Variants in ZNF557 observed in about 807,000 individuals in gnomAD.
The protein encoded by ZNF557 is zinc finger protein 557.
Under a neutral mutation model 21.2 loss-of-function variants are expected in ZNF557, and 19 were observed. That is an observed-to-expected ratio of 0.90 (90% CI 0.63 to 1.32). The LOEUF (loss-of-function observed/expected upper bound fraction) is 1.32. Ranked by LOEUF, ZNF557 falls within the 40% of genes most tolerant of loss-of-function variation. ZNF557 has a pLI of 0.00. For missense variants in ZNF557, 487 were observed against 519.8 expected, an observed-to-expected ratio of 0.94 and a Z score of 0.61; for synonymous variants, 207 against 194.8, an observed-to-expected ratio of 1.06 and a Z score of -0.52.
intron 4 of ZNF557, among the ~76,000 whole-genome samples, chr19:7,075,987 G>A (rs1448340953): frequency 2.0e-5 from 3 of 152,074 alleles, no homozygotes; most frequent in Non-Finnish European, 4.4e-5. Flanking sequence ...AAGTAAAGAC[G>A]TGATGATGTT....
chr19:7,079,677 T>C (rs1310947694), intron 5 of ZNF557, among the ~76,000 whole-genome samples: 2 of 152,230 alleles, frequency 1.3e-5, no homozygotes, highest in Admixed American at 1.3e-4. Context: ...CTTTGTTTAG[T>C]GACATTTCTG....
chr19:7,083,736 C>A lies in ZNF557; in HGVS notation c.1285C>A (p.Gln429Lys). ...TGTGCATACGAGAATGCATAATAGG[C>A]AAATGTGAATTCAATAACTGTGGGA... ...LSVHTRMHNR[Q>K]M The change falls in exon 8 of 8, where the codon CAA (glutamine) becomes AAA (lysine). Residue 429 changes from glutamine to lysine, a missense_variant. Coordinates refer to ENST00000252840, the MANE Select transcript of ZNF557 (RefSeq NM_024341.3). The A allele has an allele frequency of 6.3e-7, 1 of 1,598,766 alleles. No individual in the cohort carries two copies. The highest frequency in any genetic ancestry group is 8.5e-7 in the Non-Finnish European group (1 of 1,171,660).
At chr19:7,079,514 A>G (rs1379107247) in intron 5 of ZNF557, among the ~76,000 whole-genome samples, 1 of 152,106 alleles carries the variant, frequency 6.6e-6, no homozygotes, top group East Asian at 1.9e-4. Flanking sequence ...TGCTGGGATT[A>G]CAGCCATGAG....
intron 4 of ZNF557, among the ~76,000 whole-genome samples, chr19:7,075,993 A>T (rs933392840): frequency 6.6e-6 from 1 of 152,122 alleles, no homozygotes; most frequent in Non-Finnish European, 1.5e-5. Context: ...AGACGTGATG[A>T]TGTTCTAAAC....
At chr19:7,071,202 G>T (rs2145160408) in intron 2 of ZNF557, among the ~76,000 whole-genome samples, 1 of 151,366 alleles carries the variant, frequency 6.6e-6, no homozygotes, top group East Asian at 1.9e-4. Flanking sequence ...CTATTTAAAA[G>T]TTTTTTTTTC....
At chr19:7,077,512 T>C (rs1214927183) in intron 5 of ZNF557, among the ~76,000 whole-genome samples, 1 of 152,242 alleles carries the variant, frequency 6.6e-6, no homozygotes, top group Non-Finnish European at 1.5e-5. Flanking sequence ...TATTCCGTTA[T>C]GTGTATATAC....
chr19:7,072,653 G>A (rs986784043), intron 2 of ZNF557, among the ~76,000 whole-genome samples: 7 of 152,150 alleles, frequency 4.6e-5, no homozygotes, highest in African/African-American at 1.7e-4. Context: ...TTTCCACTGA[G>A]CAAGACCCTA....
rs190142455 is a variant in ZNF557 at position 7,083,271 on chromosome 19, C to T, written c.820C>T (p.Arg274Cys). 6.8e-5 allele frequency: 110 copies of T among 1,614,114 alleles called. No individual in the cohort carries two copies. The highest frequency in any genetic ancestry group is 8.9e-5 in the East Asian group (4 of 44,884). The change falls in exon 8 of 8, where the codon CGC (arginine) becomes TGC (cysteine). Residue 274 changes from arginine (R) to cysteine (C), a missense_variant. By Grantham distance (180) the Arg-to-Cys change is radical. Transcript: ENST00000252840. The stretch of plus-strand genomic sequence containing the variant: ...ATGTAACCAGTGTTTTCGTGAGTTC[C>T]GCACTCAGTCAATCTTCACAAGGCA... ...YKCNQCFREF[R>C]TQSIFTRHKR...
At chr19:7,072,527 T>C (rs1977481945) in intron 2 of ZNF557, among the ~76,000 whole-genome samples, 1 of 152,180 alleles carries the variant, frequency 6.6e-6, no homozygotes, top group Non-Finnish European at 1.5e-5. Flanking sequence ...CCACTCTTTA[T>C]AATACCTTTC....
intron 2 of ZNF557, among the ~76,000 whole-genome samples, chr19:7,073,741 T>C (rs768438087): frequency 1.5e-4 from 23 of 151,930 alleles, no homozygotes; most frequent in Non-Finnish European, 2.6e-4. Context: ...CCAATCCTTC[T>C]CTCCCCGGAG....
rs868199391 is a variant in ZNF557, at chr19:7,086,244, T to G, written c.*2500T>G. 3.1e-5 allele frequency: 3 copies of G among 96,860 alleles called. No individual in the cohort carries two copies. Among genetic ancestry groups the G allele is most frequent in the Non-Finnish European group, 4.3e-5 (2 of 46,282 alleles). 6.0% of individuals were successfully genotyped at this position (96,860 alleles called of 1,614,324 possible). A position where few individuals can be genotyped will look rare whatever the true frequency, so the allele number is the denominator to read the frequency against. On this transcript the variant is annotated 3_prime_UTR_variant, in exon 8 of 8. Coordinates refer to ENST00000252840, the MANE Select transcript of ZNF557 (RefSeq NM_024341.3). ...CAACTCTGTCTCAAAAAAAAAAAAATCAGACAATATTTGATATATTTTTTT... is the reference window on the plus strand; with the variant it reads ...CAACTCTGTCTCAAAAAAAAAAAAAGCAGACAATATTTGATATATTTTTTT...
intron 5 of ZNF557, among the ~76,000 whole-genome samples, chr19:7,077,828 T>A (rs569650581): frequency 4.9e-4 from 74 of 152,354 alleles, no homozygotes; most frequent in South Asian, 1.4e-3. Flanking sequence ...TTCCTTTTTT[T>A]AAAAAATTAT....
In ZNF557 at chr19:7,081,146, G is replaced by T. The variant is rs1031977440; in HGVS notation, c.248-214G>T. Among the ~76,000 whole-genome samples the T allele has an allele frequency of 2.1e-5, 3 of 143,622 alleles. No homozygotes were observed. In the Admixed American group the frequency reaches 2.2e-4, roughly 10 times the overall value. 94.2% of individuals were successfully genotyped at this position (143,622 alleles called of 152,430 possible). On this transcript the variant is annotated intron_variant, in intron 5 of 7. Transcript: ENST00000252840. The stretch of plus-strand genomic sequence containing the variant: ...CCTGCAACCACCCTAGATATTGCTT[G>T]TGGGGTGTGTGTGTGTGTGTGTGTG...
chr19:7,075,800 T>C, intron 4 of ZNF557, 57 bp downstream of exon 4: 1 of 1,593,624 alleles, frequency 6.3e-7, no homozygotes, highest in Non-Finnish European at 8.6e-7. Flanking sequence ...AGGTTGGACT[T>C]GATGCCTTTC....
chr19:7,081,143 CT>C lies in ZNF557; in HGVS notation c.248-215del, dbSNP rs562618390. Among the ~76,000 whole-genome samples the C allele has an allele frequency of 2.2e-3, 319 of 147,222 alleles. 3 individuals are homozygous for C. Among genetic ancestry groups the C allele is most frequent in the African/African-American group, 7.3e-3 (291 of 39,598 alleles). On this transcript the variant is annotated intron_variant, in intron 5 of 7. Coordinates refer to ENST00000252840, the MANE Select transcript of ZNF557 (RefSeq NM_024341.3). ...TATCCTGCAACCACCCTAGATATTG[CT>C]TGTGGGGTGTGTGTGTGTGTGTGTG...
chr19:7,074,091 C>T (rs906047785), intron 2 of ZNF557, among the ~76,000 whole-genome samples: 2 of 151,768 alleles, frequency 1.3e-5, no homozygotes, highest in Non-Finnish European at 2.9e-5. Context: ...AGCTCTGCCT[C>T]CCAGGTTCAC....
rs1194055398 is a variant in ZNF557, at chr19:7,087,472, G to A, written c.*3728G>A. The A allele has an allele frequency of 2.7e-5, 4 of 150,782 alleles. No individual in the cohort carries two copies. Among genetic ancestry groups the A allele is most frequent in the African/African-American group, 9.8e-5 (4 of 40,976 alleles). 9.3% of individuals were successfully genotyped at this position (150,782 alleles called of 1,614,324 possible). A position where few individuals can be genotyped will look rare whatever the true frequency, so the allele number is the denominator to read the frequency against. On this transcript the variant is annotated 3_prime_UTR_variant, in exon 8 of 8. Coordinates refer to ENST00000252840, the MANE Select transcript of ZNF557 (RefSeq NM_024341.3). Reference sequence around the variant, plus strand: ...GGAGAATTGCTTCAAACTGGGCAGAGGTTGCAGTGAGCCAAGGTTGACCCA... The same window carrying A: ...GGAGAATTGCTTCAAACTGGGCAGAAGTTGCAGTGAGCCAAGGTTGACCCA...
intron 6 of ZNF557, 81 bp downstream of exon 6, chr19:7,081,536 AGG>A: frequency 1.1e-6 from 1 of 931,690 alleles, no homozygotes; most frequent in Non-Finnish European, 1.7e-6. Context: ...ATAATACATT[AGG>A]AAATATCAGT....
At chr19:7,073,762 T>TG (rs1014463117) in intron 2 of ZNF557, among the ~76,000 whole-genome samples, 1 of 152,054 alleles carries the variant, frequency 6.6e-6, no homozygotes, top group African/African-American at 2.4e-5. Context: ...ATTGGGGGTA[T>TG]GGGGGTCACC....
Sources: allele counts gnomAD v4.1 joint callset (sites outside exome capture counted in the v4.1 genomes callset), GRCh38; gene constraint gnomAD v4.1.1; transcripts MANE v1.5; gene names NCBI Gene and HGNC (gene_info 2026-07-23, HGNC 2026-07-21).